DLGAP3: variants seen among roughly 807,000 people sequenced by gnomAD.
The protein encoded by DLGAP3 is disks large-associated protein 3.
Under a neutral mutation model 81.2 loss-of-function variants are expected in DLGAP3, and 17 were observed. The observed-to-expected ratio is 0.21, with a 90% CI of 0.14 to 0.31. DLGAP3 has a LOEUF of 0.31. Among genes scored for constraint, DLGAP3 ranks in the 10% least tolerant of loss-of-function variants. The pLI is 1.00. For synonymous variants in DLGAP3, 577 were observed against 587.4 expected (o/e 0.98, Z 0.26); for missense variants, 1,124 against 1,388.0 (o/e 0.81, Z 3.02).
chr1:34,898,831 A>G (rs1253463187), intron 5 of DLGAP3, among the ~76,000 whole-genome samples: 1 of 152,084 alleles, frequency 6.6e-6, no homozygotes, highest in Non-Finnish European at 1.5e-5. Context: ...TAGATATGGA[A>G]CTCACATTTA....
intron 5 of DLGAP3, among the ~76,000 whole-genome samples, chr1:34,892,377 C>G (rs1054355776): frequency 6.3e-5 from 9 of 143,310 alleles, no homozygotes; most frequent in Non-Finnish European, 1.1e-4. Flanking sequence ...AAGCATAGCA[C>G]CATGCATGTG....
rs761151648 is a variant in DLGAP3 at position 34,868,840 on chromosome 1, C to T, written c.2250G>A (p.Pro750=). Residue 750 remains proline (P), a synonymous_variant, in exon 9 of 12, where the codon CCG becomes CCA. Coordinates refer to ENST00000373347, the MANE Select transcript of DLGAP3 (RefSeq NM_001080418.3). The surrounding 1 kb of genome is among the most constrained non-coding windows in gnomAD (Gnocchi z 7.5). ...CAGGGCCGGGCGACCCATCGGTGGC[C>T]GGCGGCTCGTACGGCAGTGGGTAGC... ...REGYPLPYEP[P]ATDGSPGPAP... 3.2e-5 allele frequency: 51 copies of T among 1,581,526 alleles called. No individual in the cohort carries two copies. Among genetic ancestry groups the T allele is most frequent in the Middle Eastern group, 3.4e-4 (2 of 5,970 alleles).
At chr1:34,881,546 AC>A (rs1246826189) in intron 8 of DLGAP3, among the ~76,000 whole-genome samples, 1 of 152,140 alleles carries the variant, frequency 6.6e-6, no homozygotes, top group Non-Finnish European at 1.5e-5. Context: ...GAAGTGATGT[AC>A]AAAATAGAAG....
intron 1 of DLGAP3, among the ~76,000 whole-genome samples, chr1:34,912,487 G>A (rs1022200344): frequency 6.6e-6 from 1 of 152,170 alleles, no homozygotes; most frequent in African/African-American, 2.4e-5. Flanking sequence ...GCTACAAGCT[G>A]GACATGACGA....
Position 34,900,304 on chromosome 1 carries a change from C to T in DLGAP3, c.1108-31G>A, listed in dbSNP as rs772094960. On this transcript the variant is annotated intron_variant, in intron 3 of 11. Coordinates refer to ENST00000373347, the MANE Select transcript of DLGAP3 (RefSeq NM_001080418.3). The surrounding 1 kb of genome is among the most constrained non-coding windows in gnomAD (Gnocchi z 5.6). ...GGAACAGGGGTCTCTGTCTCTCAGA[C>T]ATGACCCTAGTAAATCTAGAGGCCA... 4 of 1,599,736 alleles carry T rather than the reference C, an allele frequency of 2.5e-6. 1 individual carries two copies. Among genetic ancestry groups the T allele is most frequent in the African/African-American group, 2.7e-5 (2 of 74,692 alleles).
intron 8 of DLGAP3, among the ~76,000 whole-genome samples, chr1:34,869,293 T>C (rs1211787954): frequency 6.6e-6 from 1 of 152,094 alleles, no homozygotes; most frequent in Non-Finnish European, 1.5e-5. Flanking sequence ...ATAGGGGTGA[T>C]ATCCAAGCTA....
chr1:34,927,932 C>G (rs1310636670), intron 1 of DLGAP3, among the ~76,000 whole-genome samples: 1 of 152,180 alleles, frequency 6.6e-6, no homozygotes, highest in South Asian at 2.1e-4. Flanking sequence ...CAATTCATTT[C>G]TCAAGCCTCA....
At chr1:34,922,734 C>G (rs191146983) in intron 1 of DLGAP3, among the ~76,000 whole-genome samples, 1 of 152,324 alleles carries the variant, frequency 6.6e-6, no homozygotes, top group Admixed American at 6.5e-5. Context: ...GGCAGAAATA[C>G]GCATGCATGT....
intron 1 of DLGAP3, among the ~76,000 whole-genome samples, chr1:34,913,327 T>C (rs1639666727): frequency 6.6e-6 from 1 of 152,200 alleles, no homozygotes. Context: ...TGGACGGTGC[T>C]CGGCCTGTGA....
chr1:34,915,905 G>T (rs1487446270), intron 1 of DLGAP3, among the ~76,000 whole-genome samples: 1 of 152,144 alleles, frequency 6.6e-6, no homozygotes, highest in African/African-American at 2.4e-5. Flanking sequence ...CTTCCAAGAG[G>T]CCTTCCCCTA....
intron 1 of DLGAP3, among the ~76,000 whole-genome samples, chr1:34,909,365 A>G (rs1173253754): frequency 6.6e-6 from 1 of 152,208 alleles, no homozygotes; most frequent in African/African-American, 2.4e-5. Context: ...GAAGCCCTGT[A>G]TAGTGGAAAA....
intron 3 of DLGAP3, among the ~76,000 whole-genome samples, chr1:34,903,727 C>T (rs950155811): frequency 6.6e-6 from 1 of 152,228 alleles, no homozygotes; most frequent in Admixed American, 6.5e-5. Context: ...CATGAAACTC[C>T]CAGGACCCCT....
chr1:34,928,421 C>G (rs1192887770), intron 1 of DLGAP3, among the ~76,000 whole-genome samples: 2 of 140,976 alleles, frequency 1.4e-5, no homozygotes, highest in African/African-American at 6.4e-5. Flanking sequence ...CCAGATCCCC[C>G]CTCCCACCCA....
intron 8 of DLGAP3, among the ~76,000 whole-genome samples, chr1:34,880,142 C>T (rs1031117002): frequency 1.3e-5 from 2 of 152,108 alleles, no homozygotes; most frequent in Non-Finnish European, 2.9e-5. Context: ...CACCCTCAAA[C>T]CCATGGGTTC....
Position 34,905,582 on chromosome 1 carries a change from G to C in DLGAP3, c.-51-148C>G, listed in dbSNP as rs551711954. The C allele has an allele frequency of 1.1e-5, 7 of 634,546 alleles. No individual in the cohort carries two copies. In the East Asian group the frequency reaches 1.2e-4, roughly 11 times the overall value. The allele number at this position is 634,546 out of a possible 1,614,324, so 39.3% of individuals were successfully genotyped here. On this transcript the variant is annotated intron_variant, in intron 2 of 11. Coordinates refer to ENST00000373347, the MANE Select transcript of DLGAP3 (RefSeq NM_001080418.3). ...TACCCTCCCACAAATGGACTAAAAA[G>C]TCCTTTAAATGGTCATAATAGACAT...
chr1:34,869,105 G>A lies in DLGAP3; in HGVS notation c.2001-16C>T. 1 of 1,563,532 alleles carries A rather than the reference G, an allele frequency of 6.4e-7. No individual in the cohort carries two copies. The highest frequency in any genetic ancestry group is 1.7e-4 in the Middle Eastern group (1 of 5,978). ...CCTTGCTCGCCTGGGGAGAGGGGTG[G>A]CTGTCATCCCCCATTGCCCAGGCTC... On this transcript the variant is annotated splice_polypyrimidine_tract_variant and intron_variant, in intron 8 of 11. Transcript: ENST00000373347.
intron 5 of DLGAP3, among the ~76,000 whole-genome samples, chr1:34,892,674 TGCCTACCTACC>T (rs57566128): frequency 0.25 from 38,420 of 152,000 alleles, 6,881 homozygotes; most frequent in East Asian, 0.93. Flanking sequence ...CCCACTACTG[TGCCTACCTACC>T]AAATTTAATT....
chr1:34,866,914 A>G, intron 11 of DLGAP3, 134 bp downstream of exon 11: 1 of 1,026,042 alleles, frequency 9.7e-7, no homozygotes, highest in Non-Finnish European at 1.5e-6. Context: ...ATGGTCACCT[A>G]TCACCTGTCC....
intron 8 of DLGAP3, among the ~76,000 whole-genome samples, chr1:34,874,836 T>C (rs927670096): frequency 8.3e-6 from 1 of 119,806 alleles, no homozygotes; most frequent in African/African-American, 3.4e-5. Flanking sequence ...GGAGGGGGAG[T>C]GGGCAGGGAG....
Sources: gnomAD v4.1 joint callset for allele counts (sites outside exome capture counted in the v4.1 genomes callset) on GRCh38, gnomAD v4.1.1 for gene constraint, Gnocchi (gnomAD v3.1) non-coding constraint, MANE v1.5 for transcripts, NCBI Gene and HGNC (gene_info 2026-07-23, HGNC 2026-07-21) for gene names.